Variants in HDAC7 observed in about 807,000 individuals in gnomAD.
The protein encoded by HDAC7 is histone deacetylase 7, also known as histone deacetylase 7A.
HDAC7 carries 26 observed loss-of-function variants against 115.5 expected under a neutral mutation model. That is an observed-to-expected ratio of 0.23 (90% CI 0.16 to 0.31). HDAC7 has a LOEUF of 0.31. Among genes scored for constraint, HDAC7 ranks in the 10% least tolerant of loss-of-function variants. The pLI is 1.00. For synonymous variants in HDAC7, 564 were observed against 550.9 expected (o/e 1.02, Z -0.33); for missense variants, 1,068 against 1,329.0 (o/e 0.80, Z 3.05).
chr12:47,818,471 G>A (rs1944911684), intron 1 of HDAC7, among the ~76,000 whole-genome samples: 1 of 152,232 alleles, frequency 6.6e-6, no homozygotes, highest in Non-Finnish European at 1.5e-5. Flanking sequence ...GGTAGCGGCA[G>A]CCTAGCAGCC....
chr12:47,796,282 A>C lies in HDAC7; in HGVS notation c.720T>G (p.Ser240Arg). 3 of 1,598,636 alleles carry C rather than the reference A, an allele frequency of 1.9e-6. No homozygotes were observed. The highest frequency in any genetic ancestry group is 2.6e-6 in the Non-Finnish European group (3 of 1,175,582). Residue 240 changes from serine (S) to arginine (R), a missense_variant, in exon 8 of 26, where the codon AGT becomes AGG. Physicochemically the swap from Ser to Arg is moderately radical, Grantham distance 110 (BLOSUM62 -1). Coordinates refer to ENST00000080059, the MANE Select transcript of HDAC7 (RefSeq NM_015401.5). The part of the protein sequence containing the change: ...AETLGDSSPS[S>R]SSTPASGCSS... Reference sequence around the variant, plus strand: ...TGCACCCTGATGCGGGCGTGCTGCTACTACTTGGGGAGGAGTCTGAGGGTT... The same window carrying C: ...TGCACCCTGATGCGGGCGTGCTGCTCCTACTTGGGGAGGAGTCTGAGGGTT...
intron 13 of HDAC7, chr12:47,792,529 C>T (rs1453838303): frequency 4.9e-6 from 2 of 408,544 alleles, no homozygotes; most frequent in East Asian, 1.5e-4. Flanking sequence ...GTGACTATTT[C>T]AGTCTGACCC....
chr12:47,798,291 C>T lies in HDAC7; in HGVS notation c.350-72G>A. The T allele has an allele frequency of 2.5e-6, 3 of 1,209,184 alleles. No homozygotes were observed. Among genetic ancestry groups the T allele is most frequent in the Non-Finnish European group, 3.7e-6 (3 of 817,266 alleles). 74.9% of individuals were successfully genotyped at this position (1,209,184 alleles called of 1,614,324 possible). ...GCCTCGTGGCACTACCTGGCCACTG[C>T]CCTGTCCCCATCCTCAGTAGGAGGC... On this transcript the variant is annotated intron_variant, in intron 4 of 25. Coordinates refer to ENST00000080059, the MANE Select transcript of HDAC7 (RefSeq NM_015401.5). This position sits in a 1 kb window ranked among gnomAD's most constrained non-coding sequence, Gnocchi z 4.3.
chr12:47,795,554 C>G lies in HDAC7; in HGVS notation c.1087+33G>C. 6.5e-7 allele frequency: 1 copy of G among 1,544,164 alleles called. No homozygotes were observed. Among genetic ancestry groups the G allele is most frequent in the Non-Finnish European group, 8.7e-7 (1 of 1,143,170 alleles). ...TTGGCTCTTAGCAGGGTGCAGGGACCCAGCCCCTTCCCTGAAGAAGCAGCA... is the reference window on the plus strand; with the variant it reads ...TTGGCTCTTAGCAGGGTGCAGGGACGCAGCCCCTTCCCTGAAGAAGCAGCA... On this transcript the variant is annotated intron_variant, in intron 10 of 25. Coordinates refer to ENST00000080059, the MANE Select transcript of HDAC7 (RefSeq NM_015401.5). The surrounding 1 kb of genome is among the most constrained non-coding windows in gnomAD (Gnocchi z 4.3).
At position 47,793,381 on chromosome 12, in the gene HDAC7, G is replaced by A. The variant is rs957979665; in HGVS notation, c.1666C>T (p.Pro556Ser). The A allele has an allele frequency of 6.5e-7, 1 of 1,543,112 alleles. No individual in the cohort carries two copies. The highest frequency in any genetic ancestry group is 1.4e-5 in the African/African-American group (1 of 73,806). The change falls in exon 13 of 26, where the codon CCC becomes TCC. Residue 556 changes from proline (P) to serine (S), a missense_variant. By Grantham distance (74) the Pro-to-Ser change is moderately conservative (BLOSUM62 -1). Coordinates refer to ENST00000080059, the MANE Select transcript of HDAC7 (RefSeq NM_015401.5). The surrounding 1 kb of genome is among the most constrained non-coding windows in gnomAD (Gnocchi z 4.5). ...SSSETPARTLPFTTGLIYDSV... is the reference protein window; with the variant it reads ...SSSETPARTLSFTTGLIYDSV... ...CTCCCGGTCTCACCTGTGGTGAAGGGCAGGGTCCTGGCAGGGGTCTCTGAG... is the reference window on the plus strand; with the variant it reads ...CTCCCGGTCTCACCTGTGGTGAAGGACAGGGTCCTGGCAGGGGTCTCTGAG...
At chr12:47,805,256 GTTGTT>G (rs1944348931) in intron 1 of HDAC7, among the ~76,000 whole-genome samples, 1 of 148,574 alleles carries the variant, frequency 6.7e-6, no homozygotes, top group African/African-American at 2.5e-5. Flanking sequence ...GTTTTGTTTT[GTTGTT>G]TTTTTTTTTG....
rs755990520 is a variant in HDAC7 at position 47,796,193 on chromosome 12, C to T, written c.795+14G>A. 9.4e-6 allele frequency: 15 copies of T among 1,599,104 alleles called. No individual in the cohort carries two copies. The East Asian group carries it at 1.1e-4, about 12-fold the overall frequency. On this transcript the variant is annotated intron_variant, in intron 8 of 25. Transcript: ENST00000080059. The stretch of plus-strand genomic sequence containing the variant: ...GAACTGCCCCAGGAGAGCCCAGTCT[C>T]GGCAAGGCCTTACCTCCGAGCCCAG...
intron 1 of HDAC7, among the ~76,000 whole-genome samples, chr12:47,817,099 A>G (rs934959866): frequency 1.3e-5 from 2 of 152,168 alleles, no homozygotes; most frequent in African/African-American, 2.4e-5. Flanking sequence ...CCACAGAAAC[A>G]GGGGGAAAAT....
chr12:47,800,575 A>G (rs989043494), intron 2 of HDAC7, among the ~76,000 whole-genome samples: 15 of 152,182 alleles, frequency 9.9e-5, no homozygotes, highest in African/African-American at 3.4e-4. Flanking sequence ...TTGCCTCCCA[A>G]GAAATCCGGA....
intron 1 of HDAC7, among the ~76,000 whole-genome samples, chr12:47,810,307 A>G (rs928814376): frequency 3.7e-4 from 57 of 152,208 alleles, no homozygotes; most frequent in Non-Finnish European, 6.2e-4. Flanking sequence ...AGGTTCAGAA[A>G]CTTGCTGAGG....
At chr12:47,791,218 A>G in intron 16 of HDAC7, 41 bp downstream of exon 16, 1 of 1,541,464 alleles carries the variant, frequency 6.5e-7, no homozygotes, top group Non-Finnish European at 8.9e-7. Flanking sequence ...GAGAGCTGAG[A>G]GCCCTGGCAA....
rs538402336 is a variant in HDAC7, at chr12:47,792,929, C to G, written c.1678+440G>C. 611 of 290,508 alleles carry G rather than the reference C, an allele frequency of 2.1e-3. 3 individuals carry two copies. Among genetic ancestry groups the G allele is most frequent in the Admixed American group, 3.2e-3 (70 of 22,082 alleles). The allele number at this position is 290,508 out of a possible 1,614,324, so 18.0% of individuals were successfully genotyped here. ...ACATATGGCCAGAACAAAGCCTGGA[C>G]TGAAATACAGCAGAATTTCAGAGGG... On this transcript the variant is annotated intron_variant, in intron 13 of 25. Transcript: ENST00000080059.
intron 19 of HDAC7, 64 bp downstream of exon 19, chr12:47,789,194 TAAC>T (rs1251316128): frequency 1.6e-6 from 2 of 1,219,544 alleles, no homozygotes; most frequent in Admixed American, 1.7e-5. Context: ...GCCGCATCTC[TAAC>T]ATCAGGCTCA....
chr12:47,813,933 G>A (rs1348967990), intron 1 of HDAC7, among the ~76,000 whole-genome samples: 1 of 152,248 alleles, frequency 6.6e-6, no homozygotes, highest in African/African-American at 2.4e-5. Flanking sequence ...GAAGAGGTTG[G>A]AGGTGAGAGG....
chr12:47,815,116 C>G (rs1431175025), intron 1 of HDAC7, among the ~76,000 whole-genome samples: 1 of 152,198 alleles, frequency 6.6e-6, no homozygotes, highest in Non-Finnish European at 1.5e-5. Context: ...GAGTGACTGG[C>G]TCAGCAACAT....
At chr12:47,785,677 C>T (rs1366436914) in intron 23 of HDAC7, 75 bp downstream of exon 23, 2 of 1,510,336 alleles carry the variant, frequency 1.3e-6, no homozygotes, top group Non-Finnish European at 1.8e-6. Context: ...TCCCATCTGC[C>T]TGCTCCTTGG....
intron 1 of HDAC7, among the ~76,000 whole-genome samples, chr12:47,819,447 C>T (rs931065819): frequency 6.6e-6 from 1 of 152,198 alleles, no homozygotes; most frequent in African/African-American, 2.4e-5. Flanking sequence ...ACGTGGGGCC[C>T]GCACACCGGC....
rs1017207898 is a variant in HDAC7, at chr12:47,783,187, C to G, written c.*654G>C. The G allele has an allele frequency of 6.5e-6, 1 of 153,202 alleles. No individual in the cohort carries two copies. Among genetic ancestry groups the G allele is most frequent in the Admixed American group, 6.5e-5 (1 of 15,454 alleles). 9.5% of individuals were successfully genotyped at this position (153,202 alleles called of 1,614,324 possible). Reference sequence around the variant, plus strand: ...CTCCCAGAGCACCCATCTGCTCCACCAGGGCATCGCCAGGAGGTTGATGTA... The same window carrying G: ...CTCCCAGAGCACCCATCTGCTCCACGAGGGCATCGCCAGGAGGTTGATGTA... On this transcript the variant is annotated 3_prime_UTR_variant, in exon 26 of 26. Coordinates refer to ENST00000080059, the MANE Select transcript of HDAC7 (RefSeq NM_015401.5).
rs538370519 is a variant in HDAC7, at chr12:47,795,265, G to A, written c.1203C>T (p.Pro401=). 6.2e-7 allele frequency: 1 copy of A among 1,612,284 alleles called. No homozygotes were observed. Among genetic ancestry groups the A allele is most frequent in the Admixed American group, 1.7e-5 (1 of 59,960 alleles). ...GCGGTGGGGGAGCGGTGGCACTGGG[G>A]GGCAGGGGCTCTGAGCGAGTCCGGC... The part of the protein sequence containing the change: ...PLSRTRSEPL[P]PSATAPPPPG... The change falls in exon 11 of 26, where the codon CCC becomes CCT. Residue 401 remains proline (P), a synonymous_variant. Transcript: ENST00000080059. This position sits in a 1 kb window ranked among gnomAD's most constrained non-coding sequence, Gnocchi z 4.3.
Sources: gnomAD v4.1 joint callset for allele counts (sites outside exome capture counted in the v4.1 genomes callset) on GRCh38, gnomAD v4.1.1 for gene constraint, Gnocchi (gnomAD v3.1) non-coding constraint, MANE v1.5 for transcripts, NCBI Gene and HGNC (gene_info 2026-07-23, HGNC 2026-07-21) for gene names.